TRA2B: variants seen among roughly 807,000 people sequenced by gnomAD.
The protein encoded by TRA2B is transformer 2 beta homolog.
A neutral mutation model predicts 41.7 loss-of-function variants in TRA2B; 14 were observed. The ratio of observed to expected loss-of-function variants is 0.34; its 90% confidence interval spans 0.22 to 0.53. The LOEUF (loss-of-function observed/expected upper bound fraction) is 0.53. TRA2B is among the 20% of genes least tolerant of loss of function. TRA2B has a pLI of 0.95. For synonymous variants in TRA2B, 130 were observed against 128.8 expected (o/e 1.01, Z -0.06); for missense variants, 167 against 396.8 (o/e 0.42, Z 4.92).
In TRA2B at chr3:185,937,932, G is replaced by C. The variant is rs564688811; in HGVS notation, c.-72C>G. On this transcript the variant is annotated 5_prime_UTR_variant, in exon 1 of 9. Coordinates refer to ENST00000453386, the MANE Select transcript of TRA2B (RefSeq NM_004593.3). Reference sequence around the variant, plus strand: ...CAACCTCTTGCACCTTCCTTAAGGAGGCTCCGCCGCAGCCCCGCACGACGC... The same window carrying C: ...CAACCTCTTGCACCTTCCTTAAGGACGCTCCGCCGCAGCCCCGCACGACGC... 261 of 1,588,906 alleles carry C rather than the reference G, an allele frequency of 1.6e-4. 6 individuals are homozygous for C. The South Asian group carries it at 2.7e-3, about 17-fold the overall frequency.
chr3:185,935,891 T>C lies in TRA2B; in HGVS notation c.36+1934A>G, dbSNP rs1232995822. The C allele has an allele frequency of 3.0e-6, 3 of 984,754 alleles. No individual in the cohort carries two copies. In the African/African-American group the frequency reaches 5.3e-5, roughly 17 times the overall value. The allele number at this position is 984,754 out of a possible 1,614,324, so 61.0% of individuals were successfully genotyped here. On this transcript the variant is annotated intron_variant, in intron 1 of 8. Coordinates refer to ENST00000453386, the MANE Select transcript of TRA2B (RefSeq NM_004593.3). ...ATCTCGGCCAGAAAGCGAAGACTCT[T>C]ATGTAAGAAAAAAAACTCAATTTTT... is the stretch of plus-strand genomic sequence containing the variant.
In TRA2B at chr3:185,925,563, A is replaced by G; in HGVS notation, c.234T>C (p.His78=). 7 of 1,614,146 alleles carry G rather than the reference A, an allele frequency of 4.3e-6. No homozygotes were observed. The highest frequency in any genetic ancestry group is 3.3e-5 in the South Asian group (3 of 91,086). The part of the protein sequence containing the change: ...YTRSRSRSRS[H]RRSRSRSYSR... ...TGTAAGACCTGCTACGTGATCGTCT[A>G]TGGGAGCGGGAGCGAGACCGTGACC... The change falls in exon 3 of 9, where the codon CAT becomes CAC. Residue 78 remains histidine (H), a synonymous_variant. Coordinates refer to ENST00000453386, the MANE Select transcript of TRA2B (RefSeq NM_004593.3).
At chr3:185,927,351 G>GC (rs759039090) in intron 1 of TRA2B, 1 of 152,092 alleles carries the variant, frequency 6.6e-6, no homozygotes, top group Admixed American at 6.6e-5. Flanking sequence ...ATGGTGGGAG[G>GC]CCCCCTAAAA....
intron 1 of TRA2B, chr3:185,936,712 A>AACT: frequency 1.0e-6 from 1 of 983,106 alleles, no homozygotes; most frequent in East Asian, 1.1e-4. Flanking sequence ...TTATTCCCAC[A>AACT]GCCTCAAAAA....
rs1340426269 is a variant in TRA2B at position 185,916,492 on chromosome 3, TAAG to T, written c.*1220_*1222del. ...TGAAAATTACTTAAATGCAAAATAA[TAAG>T]AACATGTATTAAAGTACCCGCAGTC... On this transcript the variant is annotated 3_prime_UTR_variant, in exon 9 of 9. Coordinates refer to ENST00000453386, the MANE Select transcript of TRA2B (RefSeq NM_004593.3). 2 of 152,126 alleles carry T rather than the reference TAAG, an allele frequency of 1.3e-5. No individual in the cohort carries two copies. The highest frequency in any genetic ancestry group is 2.4e-5 in the African/African-American group (1 of 41,404). The allele number at this position is 152,126 out of a possible 1,614,324, so 9.4% of individuals were successfully genotyped here.
Position 185,936,107 on chromosome 3 carries a change from C to T in TRA2B, c.36+1718G>A. Reference sequence around the variant, plus strand: ...TGAACTCTGGGCAATTTTCCATTCTCAAGCATTCTTCACGTGTATTCAATC... The same window carrying T: ...TGAACTCTGGGCAATTTTCCATTCTTAAGCATTCTTCACGTGTATTCAATC... On this transcript the variant is annotated intron_variant, in intron 1 of 8. Transcript: ENST00000453386. The T allele has an allele frequency of 3.0e-6, 3 of 985,394 alleles. No homozygotes were observed. The South Asian group carries it at 1.4e-4, about 46-fold the overall frequency. 61.0% of individuals were successfully genotyped at this position (985,394 alleles called of 1,614,324 possible).
chr3:185,919,359 A>G, intron 7 of TRA2B, 78 bp downstream of exon 7: 1 of 1,248,528 alleles, frequency 8.0e-7, no homozygotes, highest in African/African-American at 1.5e-5. Context: ...CTTATAATTT[A>G]CCAAAACATT....
chr3:185,937,477 C>T, intron 1 of TRA2B: 1 of 1,066,764 alleles, frequency 9.4e-7, no homozygotes, highest in East Asian at 6.3e-5. Context: ...ATGGCTGCGG[C>T]GGACCTTCGC....
chr3:185,922,925 G>C (rs1743795606), intron 4 of TRA2B: 2 of 152,198 alleles, frequency 1.3e-5, no homozygotes, highest in African/African-American at 4.8e-5. Context: ...TCTGGCACTA[G>C]AGATTAAGAT....
intron 1 of TRA2B, among the ~76,000 whole-genome samples, chr3:185,930,029 A>G (rs906300438): frequency 8.5e-5 from 13 of 152,086 alleles, no homozygotes; most frequent in African/African-American, 3.1e-4. Context: ...CGAGGAGGAG[A>G]CACATTAGGA....
intron 1 of TRA2B, chr3:185,927,664 T>C (rs532608497): frequency 3.9e-5 from 6 of 152,300 alleles, no homozygotes; most frequent in African/African-American, 1.2e-4. Flanking sequence ...AAACTGGGAT[T>C]GGCTGGCAGG....
chr3:185,932,396 G>C (rs951565183), intron 1 of TRA2B, among the ~76,000 whole-genome samples: 4 of 152,168 alleles, frequency 2.6e-5, no homozygotes, highest in Admixed American at 2.6e-4. Context: ...CGGTGTCAGG[G>C]AACCTGACAA....
intron 1 of TRA2B, chr3:185,936,336 T>C: frequency 1.0e-6 from 1 of 985,366 alleles, no homozygotes; most frequent in Non-Finnish European, 1.2e-6. Context: ...CCCAACTTTC[T>C]TACCCAAGAA....
chr3:185,932,241 AG>A (rs1468214888), intron 1 of TRA2B, among the ~76,000 whole-genome samples: 3 of 152,248 alleles, frequency 2.0e-5, no homozygotes, highest in Non-Finnish European at 4.4e-5. Flanking sequence ...AGTGCATGAA[AG>A]GAAAGCACGG....
rs1743459055 is a variant in TRA2B, at chr3:185,915,164, C to G, written c.*2551G>C. 6.6e-6 allele frequency among the ~76,000 whole-genome samples: 1 copy of G among 152,176 alleles called. No homozygotes were observed. The highest frequency in any genetic ancestry group is 2.4e-5 in the African/African-American group (1 of 41,440). ...TCCATGGCCAGGAGATCGGAAACCC[C>G]TGCTCCCAGGTCTACAAATCTTTTG... On this transcript the variant is annotated 3_prime_UTR_variant, in exon 9 of 9. Coordinates refer to ENST00000453386, the MANE Select transcript of TRA2B (RefSeq NM_004593.3).
intron 8 of TRA2B, 25 bp downstream of exon 8, chr3:185,918,337 AAAC>A (rs1307032050): frequency 6.5e-7 from 1 of 1,542,548 alleles, no homozygotes; most frequent in Non-Finnish European, 9.0e-7. Context: ...ACTACAATAT[AAAC>A]AATCATATTA....
Position 185,934,723 on chromosome 3 carries a change from AAT to A in TRA2B, c.36+3100_36+3101del, listed in dbSNP as rs1025695294. 28 of 985,114 alleles carry A rather than the reference AAT, an allele frequency of 2.8e-5. No homozygotes were observed. In the African/African-American group the frequency reaches 4.9e-4, roughly 17 times the overall value. The allele number at this position is 985,114 out of a possible 1,614,324, so 61.0% of individuals were successfully genotyped here. On this transcript the variant is annotated intron_variant, in intron 1 of 8. Coordinates refer to ENST00000453386, the MANE Select transcript of TRA2B (RefSeq NM_004593.3). ...TAGAGTTTAGGAGCTAAAACCAAGG[AAT>A]ATAAAAAGACATCCCAAGATTCAGC...
chr3:185,926,523 C>T (rs1743960043), intron 2 of TRA2B, 78 bp downstream of exon 2: 2 of 1,577,344 alleles, frequency 1.3e-6, no homozygotes, highest in Admixed American at 3.4e-5. Flanking sequence ...CTAACCCTCT[C>T]TACCTTCCTG....
At chr3:185,921,323 C>T (rs909683470) in intron 5 of TRA2B, 136 bp from the exon 6 acceptor site, 1 of 719,622 alleles carries the variant, frequency 1.4e-6, no homozygotes, top group African/African-American at 1.8e-5. Flanking sequence ...CTATATTGAG[C>T]AAACATTGCC....
Sources: allele counts gnomAD v4.1 joint callset (sites outside exome capture counted in the v4.1 genomes callset), GRCh38; gene constraint gnomAD v4.1.1; transcripts MANE v1.5; gene names NCBI Gene and HGNC (gene_info 2026-07-23, HGNC 2026-07-21).